Variants in DENND4C observed in about 807,000 individuals in gnomAD.
DENND4C encodes DENN domain containing 4C.
In DENND4C, 108 loss-of-function variants were observed where a neutral mutation model predicts 203.0. That is an observed-to-expected ratio of 0.53 (90% CI 0.46 to 0.62). The LOEUF (loss-of-function observed/expected upper bound fraction) is 0.62, where lower values mean the gene tolerates loss of function less well. DENND4C is among the 20% of genes least tolerant of loss of function. DENND4C has a pLI of 0.00. For missense variants in DENND4C, 2,481 were observed against 2,301.2 expected (o/e 1.08, Z -1.60); for synonymous variants, 871 against 792.4 (o/e 1.10, Z -1.67).
chr9:19,249,658 A>C (rs1420568384), intron 1 of DENND4C, among the ~76,000 whole-genome samples: 3 of 152,198 alleles, frequency 2.0e-5, no homozygotes, highest in African/African-American at 4.8e-5. Flanking sequence ...GCAAGACCTG[A>C]GTGAAGAAAA....
upstream of DENND4C, chr9:19,230,520 T>G (rs1820242481): frequency 6.6e-6 from 1 of 152,320 alleles, no homozygotes; most frequent in African/African-American, 2.4e-5. Context: ...AACAGAAACA[T>G]GGCGGTCAGG....
rs149875509 is a variant in DENND4C, at chr9:19,303,016, G to A, written c.1312-2336G>A. Among the ~76,000 whole-genome samples, 362 of 147,888 alleles carry A rather than the reference G, an allele frequency of 2.4e-3. 4 individuals carry two copies. Among genetic ancestry groups the A allele is most frequent in the African/African-American group, 8.7e-3 (347 of 40,066 alleles). The stretch of plus-strand genomic sequence containing the variant: ...TACTTTTCCTTTTTTTTTTTTCATA[G>A]CACTTATTACTTTCTGACATATAGG... On this transcript the variant is annotated intron_variant, in intron 9 of 32. Coordinates refer to ENST00000434457, the MANE Select transcript of DENND4C (RefSeq NM_001330640.2).
chr9:19,329,460 A>T (rs148786088), intron 16 of DENND4C, among the ~76,000 whole-genome samples: 1 of 152,374 alleles, frequency 6.6e-6, no homozygotes, highest in East Asian at 1.9e-4. Context: ...ATTCATAGAC[A>T]TGTGGATACT....
At chr9:19,266,714 CA>C (rs1206435574) in intron 1 of DENND4C, among the ~76,000 whole-genome samples, 1 of 151,912 alleles carries the variant, frequency 6.6e-6, no homozygotes, top group African/African-American at 2.4e-5. Context: ...CTGACAAAAA[CA>C]AAAAATGGGG....
chr9:19,234,552 T>TTTTTTA (rs397764386), intron 1 of DENND4C, among the ~76,000 whole-genome samples: 1 of 146,194 alleles, frequency 6.8e-6, no homozygotes, highest in South Asian at 2.2e-4. Flanking sequence ...TTTTTTTTTT[T>TTTTTTA]AACACGGTCT....
chr9:19,306,745 G>GTATT (rs59616787), intron 10 of DENND4C, among the ~76,000 whole-genome samples: 26,656 of 142,168 alleles, frequency 0.19, 2,702 homozygotes, highest in South Asian at 0.25. Context: ...TTGCACAATT[G>GTATT]TATTTATTTA....
intron 2 of DENND4C, among the ~76,000 whole-genome samples, chr9:19,285,983 A>G (rs987677091): frequency 6.6e-6 from 1 of 152,176 alleles, no homozygotes; most frequent in African/African-American, 2.4e-5. Context: ...GAAGTAGGGA[A>G]GTGTGAGTCC....
At chr9:19,368,438 T>C (rs914862642) in intron 30 of DENND4C, among the ~76,000 whole-genome samples, 17 of 152,106 alleles carry the variant, frequency 1.1e-4, no homozygotes, top group African/African-American at 3.4e-4. Flanking sequence ...CGAATTACGT[T>C]CCTTCTAATT....
Position 19,286,730 on chromosome 9 carries a change from A to G in DENND4C, c.306-39A>G, listed in dbSNP as rs903643990. ...TATGTACATATGTATGTGTGTATGT[A>G]TATATCTATATCTATTTCTTCCCCT... On this transcript the variant is annotated intron_variant, in intron 2 of 32. Coordinates refer to ENST00000434457, the MANE Select transcript of DENND4C (RefSeq NM_001330640.2). 5.7e-6 allele frequency: 7 copies of G among 1,222,860 alleles called. No individual in the cohort carries two copies. In the African/African-American group the frequency reaches 7.8e-5, roughly 14 times the overall value. 75.8% of individuals were successfully genotyped at this position (1,222,860 alleles called of 1,614,324 possible). A position where few individuals can be genotyped will look rare whatever the true frequency, so the allele number is the denominator to read the frequency against.
intron 16 of DENND4C, among the ~76,000 whole-genome samples, chr9:19,328,444 C>T (rs1442084696): frequency 6.6e-6 from 1 of 151,988 alleles, no homozygotes; most frequent in African/African-American, 2.4e-5. Context: ...GAAACCCCAT[C>T]TCCATTAAAA....
intron 12 of DENND4C, among the ~76,000 whole-genome samples, chr9:19,320,442 G>A (rs1171720352): frequency 6.6e-6 from 1 of 152,126 alleles, no homozygotes; most frequent in East Asian, 1.9e-4. Flanking sequence ...CAGGTGATCT[G>A]CCTGCCTCGG....
Position 19,341,097 on chromosome 9 carries a change from C to T in DENND4C, c.2987C>T (p.Thr996Ile), listed in dbSNP as rs199795421. The change falls in exon 21 of 33, where the codon ACA becomes ATA. Residue 996 changes from threonine (T) to isoleucine (I), a missense_variant. Physicochemically the swap from Thr to Ile is moderately conservative, Grantham distance 89. Around this residue, in one of 3 missense-constraint regions of DENND4C, gnomAD observed 2,289 missense variants for 2,113.3 expected, o/e 1.08. Coordinates refer to ENST00000434457, the MANE Select transcript of DENND4C (RefSeq NM_001330640.2). ...GCAGCAAGAGAATTGATAACTAAAA[C>T]AAAAATGCAAACAGAAGGTTAAGTA... ...EQAARELITKTKMQTEEVCDA... is the reference protein window; with the variant it reads ...EQAARELITKIKMQTEEVCDA... The T allele has an allele frequency of 1.9e-6, 3 of 1,610,008 alleles. No homozygotes were observed. In the East Asian group the frequency reaches 6.7e-5, roughly 36 times the overall value.
chr9:19,298,259 A>C, intron 7 of DENND4C, 137 bp downstream of exon 7: 1 of 676,620 alleles, frequency 1.5e-6, no homozygotes, highest in Middle Eastern at 2.5e-4. Context: ...TGTGCTTTGT[A>C]GCTTTACTGA....
intron 2 of DENND4C, among the ~76,000 whole-genome samples, chr9:19,280,162 C>CTCCCTTCCT (rs1037544587): frequency 1.3e-5 from 2 of 151,328 alleles, no homozygotes; most frequent in Middle Eastern, 3.5e-3. Context: ...TCCTCCCTTC[C>CTCCCTTCCT]TTTTTTTTTG....
intron 28 of DENND4C, among the ~76,000 whole-genome samples, chr9:19,359,008 C>T (rs1825930129): frequency 6.6e-6 from 1 of 151,842 alleles, no homozygotes; most frequent in African/African-American, 2.4e-5. Context: ...ATAATGGTCT[C>T]ATTCTGTCAT....
In DENND4C at chr9:19,322,893, G is replaced by C. The variant is rs376970727; in HGVS notation, c.1808-1469G>C. Among the ~76,000 whole-genome samples the C allele has an allele frequency of 1.2e-4, 19 of 152,290 alleles. No homozygotes were observed. The East Asian group carries it at 2.5e-3, about 20-fold the overall frequency. ...GCAGAGCTAATGGGCTGGGAGTGATGTGAAAAAGAGATTTGAGAGGCAATG... is the reference window on the plus strand; with the variant it reads ...GCAGAGCTAATGGGCTGGGAGTGATCTGAAAAAGAGATTTGAGAGGCAATG... On this transcript the variant is annotated intron_variant, in intron 12 of 32. Coordinates refer to ENST00000434457, the MANE Select transcript of DENND4C (RefSeq NM_001330640.2).
At position 19,324,459 on chromosome 9, in the gene DENND4C, A is replaced by G; in HGVS notation, c.1905A>G (p.Val635=). Residue 635 remains valine (V), a synonymous_variant, in exon 13 of 33, where the codon GTA becomes GTG. Coordinates refer to ENST00000434457, the MANE Select transcript of DENND4C (RefSeq NM_001330640.2). Reference sequence around the variant, plus strand: ...GTTTCATTGAAGAATGCAGTTTTGTAAGTGATAAAGATACTGGATTAGCAT... The same window carrying G: ...GTTTCATTGAAGAATGCAGTTTTGTGAGTGATAAAGATACTGGATTAGCAT... ...FIRFIEECSF[V]SDKDTGLAFF... is the part of the protein sequence containing the mutation. 6.2e-7 allele frequency: 1 copy of G among 1,612,736 alleles called. No individual in the cohort carries two copies. The highest frequency in any genetic ancestry group is 1.3e-5 in the African/African-American group (1 of 74,954).
chr9:19,360,174 C>T, intron 28 of DENND4C, 70 bp from the exon 29 acceptor site: 1 of 1,467,722 alleles, frequency 6.8e-7, no homozygotes, highest in East Asian at 2.3e-5. Context: ...GGCATTATCT[C>T]ATTGAGAAGT....
chr9:19,266,562 C>T (rs1021719013), intron 1 of DENND4C, among the ~76,000 whole-genome samples: 10 of 152,158 alleles, frequency 6.6e-5, no homozygotes, highest in South Asian at 2.1e-4. Flanking sequence ...CATCATGCTA[C>T]GTGACTTCAA....
Sources: allele counts gnomAD v4.1 joint callset (sites outside exome capture counted in the v4.1 genomes callset), GRCh38; gene constraint gnomAD v4.1.1; regional missense constraint gnomAD v4.1.1; transcripts MANE v1.5; gene names NCBI Gene and HGNC (gene_info 2026-07-23, HGNC 2026-07-21).